The following CACNA1C variants were observed in gnomAD, a reference collection of about 807,000 sequenced individuals.
CACNA1C encodes voltage-dependent L-type calcium channel subunit alpha-1C.
A neutral mutation model predicts 229.0 loss-of-function variants in CACNA1C; 30 were observed. That is an observed-to-expected ratio of 0.13 (90% confidence interval 0.10 to 0.18). The LOEUF is 0.18. Among genes scored for constraint, CACNA1C ranks in the 10% least tolerant of loss-of-function variants. The pLI, the probability that CACNA1C is intolerant of heterozygous loss-of-function variation, is 1.00. For missense variants in CACNA1C, 1,658 were observed against 2,845.0 expected, an observed-to-expected ratio of 0.58 and a Z score of 9.49; for synonymous variants, 1,114 against 1,132.5, an observed-to-expected ratio of 0.98 and a Z score of 0.33.
intron 3 of CACNA1C, among the ~76,000 whole-genome samples, chr12:2,230,777 G>T (rs748433826): frequency 6.6e-6 from 1 of 152,140 alleles, no homozygotes; most frequent in African/African-American, 2.4e-5. Context: ...ACCCTTCTCC[G>T]GTGCTTATTT....
intron 1 of CACNA1C, among the ~76,000 whole-genome samples, chr12:2,101,724 G>A (rs73603744): frequency 6.6e-6 from 1 of 152,050 alleles, no homozygotes; most frequent in Non-Finnish European, 1.5e-5. Context: ...GAATGCGCAG[G>A]GTGAGTGAGG....
chr12:2,417,241 C>G (rs371356050), intron 3 of CACNA1C, among the ~76,000 whole-genome samples: 4 of 152,332 alleles, frequency 2.6e-5, no homozygotes, highest in Non-Finnish European at 4.4e-5. Context: ...CTCTGCGATG[C>G]GGGTTGTATC....
upstream of CACNA1C, chr12:1,970,853 T>G: frequency 6.9e-6 from 2 of 288,486 alleles, no homozygotes; most frequent in Non-Finnish European, 1.4e-5. Context: ...AAGAAGGTGT[T>G]TTGTTTTGTT....
intron 1 of CACNA1C, among the ~76,000 whole-genome samples, chr12:1,985,686 G>A (rs747588751): frequency 2.4e-4 from 37 of 152,290 alleles, no homozygotes; most frequent in Non-Finnish European, 3.5e-4. Context: ...GAGACTCAGA[G>A]TCCTCTTGAA....
chr12:2,002,566 AG>A (rs1401751472), intron 1 of CACNA1C, among the ~76,000 whole-genome samples: 6 of 152,230 alleles, frequency 3.9e-5, no homozygotes, highest in African/African-American at 1.4e-4. Flanking sequence ...TATCTTAAAA[AG>A]GTATCTATCA....
At chr12:2,673,215 C>T (rs2096639251) in intron 38 of CACNA1C, among the ~76,000 whole-genome samples, 1 of 151,900 alleles carries the variant, frequency 6.6e-6, no homozygotes, top group Non-Finnish European at 1.5e-5. Context: ...GTGGCTCACA[C>T]ATGTAATCCC....
At chr12:2,243,976 C>T (rs1434252654) in intron 3 of CACNA1C, among the ~76,000 whole-genome samples, 2 of 152,218 alleles carry the variant, frequency 1.3e-5, no homozygotes, top group African/African-American at 4.8e-5. Flanking sequence ...TTCAGGCCAA[C>T]TATGTACAAC....
intron 9 of CACNA1C, among the ~76,000 whole-genome samples, chr12:2,526,476 C>T (rs1361387884): frequency 6.6e-6 from 1 of 152,214 alleles, no homozygotes; most frequent in Non-Finnish European, 1.5e-5. Flanking sequence ...GGGAACAGGG[C>T]AAGGGCCTTC....
At chr12:2,298,554 C>T (rs1395923842) in intron 3 of CACNA1C, among the ~76,000 whole-genome samples, 1 of 152,202 alleles carries the variant, frequency 6.6e-6, no homozygotes, top group African/African-American at 2.4e-5. Context: ...GCCTCGGCCT[C>T]CCAGAGTGCT....
chr12:2,586,989 G>A (rs74437603), intron 18 of CACNA1C, among the ~76,000 whole-genome samples: 11,326 of 152,282 alleles, frequency 0.074, 505 homozygotes, highest in Middle Eastern at 0.13. Flanking sequence ...CAAATGCAAT[G>A]GGAGGATCTT....
chr12:2,334,156 C>T (rs1313279770), intron 3 of CACNA1C, among the ~76,000 whole-genome samples: 1 of 152,100 alleles, frequency 6.6e-6, no homozygotes, highest in African/African-American at 2.4e-5. Context: ...TTCAGGTTAC[C>T]CCCACCTAGT....
chr12:2,595,986 ACCT>A lies in CACNA1C; in HGVS notation c.2780_2782del (p.Ser927del). ...GGCTGCTGAGGACCCGGTCCAGCAC[ACCT>A]CCTTCAGGAACCATGTATGCATCGC... On this transcript the variant is annotated inframe_deletion, in exon 20 of 47. Coordinates refer to ENST00000399655, the MANE Select transcript of CACNA1C (RefSeq NM_000719.7). This position sits in a 1 kb window ranked among gnomAD's most constrained non-coding sequence, Gnocchi z 4.1. 6.2e-7 allele frequency: 1 copy of A among 1,612,668 alleles called. No individual in the cohort carries two copies. Among genetic ancestry groups the A allele is most frequent in the Non-Finnish European group, 8.5e-7 (1 of 1,179,250 alleles).
chr12:2,393,151 C>G (rs1384793571), intron 3 of CACNA1C, among the ~76,000 whole-genome samples: 1 of 152,178 alleles, frequency 6.6e-6, no homozygotes, highest in Non-Finnish European at 1.5e-5. Flanking sequence ...GCAGCTTCAT[C>G]TCCCATGGAA....
chr12:2,182,155 A>AT (rs1491274952), intron 3 of CACNA1C, among the ~76,000 whole-genome samples: 5 of 136,646 alleles, frequency 3.7e-5, no homozygotes, highest in Non-Finnish European at 6.2e-5. Flanking sequence ...AAAAAAAAAA[A>AT]TGACGGTACC....
At chr12:2,648,443 T>C (rs1176608233) in intron 30 of CACNA1C, 32 bp from the exon 31 acceptor site, 1 of 1,611,088 alleles carries the variant, frequency 6.2e-7, no homozygotes, top group African/African-American at 1.3e-5. Flanking sequence ...GGAGACTCAT[T>C]ACAGCTTATC....
intron 3 of CACNA1C, among the ~76,000 whole-genome samples, chr12:2,170,933 C>T (rs1457035520): frequency 1.3e-5 from 2 of 152,174 alleles, no homozygotes; most frequent in East Asian, 1.9e-4. Context: ...TATGTGTTGC[C>T]CTTGGAGGCA....
chr12:2,377,135 C>A (rs140300331), intron 3 of CACNA1C, among the ~76,000 whole-genome samples: 1 of 152,128 alleles, frequency 6.6e-6, no homozygotes, highest in East Asian at 1.9e-4. Flanking sequence ...GGCTGGGACA[C>A]GGCCAACAAA....
intron 3 of CACNA1C, among the ~76,000 whole-genome samples, chr12:2,389,770 TG>T (rs1469991450): frequency 6.6e-6 from 1 of 152,182 alleles, no homozygotes; most frequent in Non-Finnish European, 1.5e-5. Flanking sequence ...CTGATACTGG[TG>T]TGTGTGCTCC....
At chr12:1,985,757 A>C (rs1334191885) in intron 1 of CACNA1C, among the ~76,000 whole-genome samples, 3 of 152,180 alleles carry the variant, frequency 2.0e-5, no homozygotes, top group African/African-American at 7.2e-5. Context: ...TTAGGTTTAG[A>C]TAAGAAGCTC....
Sources: gnomAD v4.1 joint callset for allele counts (sites outside exome capture counted in the v4.1 genomes callset) on GRCh38, gnomAD v4.1.1 for gene constraint, Gnocchi (gnomAD v3.1) non-coding constraint, MANE v1.5 for transcripts, NCBI Gene and HGNC (gene_info 2026-07-23, HGNC 2026-07-21) for gene names.